Variants in FCRL1 observed in about 807,000 individuals in gnomAD.
FCRL1 encodes the protein Fc receptor-like protein 1.
In FCRL1, 34 loss-of-function variants were observed where a neutral mutation model predicts 49.2. The ratio of observed to expected loss-of-function variants is 0.69; its 90% CI spans 0.53 to 0.92. The LOEUF is 0.92. Ranked by LOEUF, FCRL1 falls within the 40% of genes least tolerant of loss-of-function variation. The pLI, the probability that FCRL1 is intolerant of heterozygous loss-of-function variation, is 0.00. For missense variants in FCRL1, 524 were observed against 524.1 expected, an observed-to-expected ratio of 1.00 and a Z score of 0.00; for synonymous variants, 218 against 201.6, an observed-to-expected ratio of 1.08 and a Z score of -0.69.
chr1:157,796,214 C>T (rs1227284318), intron 10 of FCRL1, 44 bp from the exon 11 acceptor site: 3 of 1,492,550 alleles, frequency 2.0e-6, no homozygotes, highest in Non-Finnish European at 2.8e-6. Context: ...ACAAGCAGAA[C>T]ATGCCTCCAC....
intron 9 of FCRL1, 130 bp from the exon 10 acceptor site, chr1:157,797,262 T>A: frequency 2.0e-6 from 2 of 1,009,252 alleles, no homozygotes; most frequent in Admixed American, 1.9e-5. Flanking sequence ...ATTTTCTGTC[T>A]TGCTTTTCTG....
In FCRL1 at chr1:157,802,074, A is replaced by G. The variant is rs777194472; in HGVS notation, c.727T>C (p.Tyr243His). ...CTCCCCAGGGTGATATCCTCGTGAT[A>G]AAACCAGTACAGGATCGGAGGAGAG... ...RGSPPILYWFYHEDITLGSRS... is the reference protein window; with the variant it reads ...RGSPPILYWFHHEDITLGSRS... The change falls in exon 5 of 11, where the codon TAT becomes CAT. Residue 243 changes from tyrosine to histidine, a missense_variant. Transcript: ENST00000368176. 5 of 1,614,224 alleles carry G rather than the reference A, an allele frequency of 3.1e-6. No individual in the cohort carries two copies. The Admixed American group carries it at 6.7e-5, about 22-fold the overall frequency.
In FCRL1 at chr1:157,802,064, T is replaced by C. The variant is rs902018122; in HGVS notation, c.737A>G (p.Asp246Gly). ...GGCCGACCTGCTCCCCAGGGTGATA[T>C]CCTCGTGATAAAACCAGTACAGGAT... ...PPILYWFYHE[D>G]ITLGSRSAPS... is the part of the protein sequence containing the mutation. Residue 246 changes from aspartate to glycine, a missense_variant, in exon 5 of 11, where the codon GAT becomes GGT. By Grantham distance (94) the Asp-to-Gly change is moderately conservative. Transcript: ENST00000368176. 6.2e-7 allele frequency: 1 copy of C among 1,614,054 alleles called. No individual in the cohort carries two copies. The highest frequency in any genetic ancestry group is 1.3e-5 in the African/African-American group (1 of 74,912).
chr1:157,798,045 G>T (rs1651823199), intron 8 of FCRL1, 106 bp from the exon 9 acceptor site: 2 of 1,504,580 alleles, frequency 1.3e-6, no homozygotes, highest in South Asian at 1.1e-5. Flanking sequence ...TGAGTCATTT[G>T]TTTGTAGCAG....
rs1212443114 is a variant in FCRL1 at position 157,801,909 on chromosome 1, C to A, written c.886+6G>T. 4.3e-6 allele frequency: 7 copies of A among 1,610,112 alleles called. No individual in the cohort carries two copies. The highest frequency in any genetic ancestry group is 5.9e-6 in the Non-Finnish European group (7 of 1,177,992). On this transcript the variant is annotated splice_donor_region_variant and intron_variant, in intron 5 of 10. Coordinates refer to ENST00000368176, the MANE Select transcript of FCRL1 (RefSeq NM_052938.5). ...GACCAAGACAGTTCCATAGCCTGAGCTATACCTGTGAAGTTGAGTGTCACC... is the reference window on the plus strand; with the variant it reads ...GACCAAGACAGTTCCATAGCCTGAGATATACCTGTGAAGTTGAGTGTCACC...
Position 157,820,098 on chromosome 1 carries a change from G to C in FCRL1, c.-61C>G, listed in dbSNP as rs1571436264. The C allele has an allele frequency of 6.3e-7, 1 of 1,586,970 alleles. No individual in the cohort carries two copies. The highest frequency in any genetic ancestry group is 2.2e-5 in the East Asian group (1 of 44,720). Reference sequence around the variant, plus strand: ...CTCATCAAAAAAAGAATGCACCTCAGAGTCGAGCAGCAGCAGCTCATCAGA... The same window carrying C: ...CTCATCAAAAAAAGAATGCACCTCACAGTCGAGCAGCAGCAGCTCATCAGA... On this transcript the variant is annotated 5_prime_UTR_variant, in exon 1 of 11. Transcript: ENST00000368176.
At chr1:157,801,712 G>T in intron 5 of FCRL1, 135 bp from the exon 6 acceptor site, 1 of 862,268 alleles carries the variant, frequency 1.2e-6, no homozygotes, top group Non-Finnish European at 1.8e-6. Context: ...GGGACTTGTG[G>T]CTTATCATCT....
At chr1:157,809,546 T>C (rs7539220) in intron 1 of FCRL1, among the ~76,000 whole-genome samples, 6,934 of 152,264 alleles carry the variant, frequency 0.046, 506 homozygotes, top group African/African-American at 0.16. Context: ...CCTCTCGGGT[T>C]CAAGCGATTC....
At position 157,804,121 on chromosome 1, in the gene FCRL1, G is replaced by A; in HGVS notation, c.53-10C>T. The A allele has an allele frequency of 1.2e-6, 2 of 1,612,558 alleles. No homozygotes were observed. Among genetic ancestry groups the A allele is most frequent in the South Asian group, 2.2e-5 (2 of 90,946 alleles). ...GCTATCAAAAACAGCTCTAGAGAGA[G>A]GAATTAAACACAAATGATTAATGCG... On this transcript the variant is annotated splice_polypyrimidine_tract_variant and intron_variant, in intron 2 of 10. Coordinates refer to ENST00000368176, the MANE Select transcript of FCRL1 (RefSeq NM_052938.5).
At chr1:157,801,158 G>T (rs544057163) in intron 6 of FCRL1, among the ~76,000 whole-genome samples, 1 of 152,244 alleles carries the variant, frequency 6.6e-6, no homozygotes, top group Non-Finnish European at 1.5e-5. Context: ...CAAAAGTGCT[G>T]GGATTACAGG....
intron 1 of FCRL1, among the ~76,000 whole-genome samples, chr1:157,812,147 T>A (rs1359666064): frequency 1.3e-5 from 2 of 152,158 alleles, no homozygotes; most frequent in Non-Finnish European, 2.9e-5. Flanking sequence ...ACACAGCACC[T>A]GCCAATCTGT....
intron 5 of FCRL1, 130 bp downstream of exon 5, chr1:157,801,785 A>G (rs1652514983): frequency 1.8e-6 from 2 of 1,128,046 alleles, no homozygotes; most frequent in Non-Finnish European, 2.5e-6. Context: ...TACATCACTC[A>G]TGACAGCACC....
intron 1 of FCRL1, among the ~76,000 whole-genome samples, chr1:157,809,705 C>T (rs766475654): frequency 4.6e-5 from 7 of 152,114 alleles, no homozygotes; most frequent in Non-Finnish European, 8.8e-5. Context: ...GGTGATCCAC[C>T]CACCTTGGCC....
chr1:157,808,948 G>C lies in FCRL1; in HGVS notation c.32-1826C>G, dbSNP rs118045670. On this transcript the variant is annotated intron_variant, in intron 1 of 10. Coordinates refer to ENST00000368176, the MANE Select transcript of FCRL1 (RefSeq NM_052938.5). ...AATGGTAGTGACATTTCCTGAATTGGAGAAGTTGTGGGGGAAAATAGGTTA... is the reference window on the plus strand; with the variant it reads ...AATGGTAGTGACATTTCCTGAATTGCAGAAGTTGTGGGGGAAAATAGGTTA... Among the ~76,000 whole-genome samples, 372 of 152,308 alleles carry C rather than the reference G, an allele frequency of 2.4e-3. 13 individuals carry two copies. In the East Asian group the frequency reaches 0.064, roughly 26 times the overall value.
At position 157,801,951 on chromosome 1, in the gene FCRL1, C is replaced by T. The variant is rs200955967; in HGVS notation, c.850G>A (p.Ala284Thr). ...YSCEANNGLG[A>T]QRSEAVTLNF... The stretch of plus-strand genomic sequence containing the variant: ...AGTGTCACCGCCTCACTGCGCTGGG[C>T]CCCCAGGCCATTGTTGGCCTCACAG... The change falls in exon 5 of 11, where the codon GCC becomes ACC. Residue 284 changes from alanine (A) to threonine (T), a missense_variant. By Grantham distance (58) the Ala-to-Thr change is moderately conservative. Coordinates refer to ENST00000368176, the MANE Select transcript of FCRL1 (RefSeq NM_052938.5). The T allele has an allele frequency of 4.1e-5, 66 of 1,614,114 alleles. No individual in the cohort carries two copies. Among genetic ancestry groups the T allele is most frequent in the Non-Finnish European group, 4.9e-5 (58 of 1,179,962 alleles).
chr1:157,814,364 C>A (rs1211544132), intron 1 of FCRL1, among the ~76,000 whole-genome samples: 2 of 151,798 alleles, frequency 1.3e-5, no homozygotes, highest in Non-Finnish European at 2.9e-5. Flanking sequence ...AATGTCTAGA[C>A]CAAAGTTAAG....
intron 1 of FCRL1, among the ~76,000 whole-genome samples, chr1:157,810,466 T>C (rs1161957191): frequency 6.6e-6 from 1 of 151,774 alleles, no homozygotes; most frequent in East Asian, 1.9e-4. Context: ...CTGGCTAATT[T>C]TTGTATTTTT....
intron 1 of FCRL1, among the ~76,000 whole-genome samples, chr1:157,814,689 A>T (rs1380388581): frequency 6.6e-6 from 1 of 152,044 alleles, no homozygotes; most frequent in Non-Finnish European, 1.5e-5. Context: ...ATGGATTTTA[A>T]AAAACAGGAC....
intron 6 of FCRL1, among the ~76,000 whole-genome samples, chr1:157,800,936 G>A (rs1652347166): frequency 6.6e-6 from 1 of 151,938 alleles, no homozygotes; most frequent in African/African-American, 2.4e-5. Context: ...TCTGTCACCA[G>A]GCTAGAGTGC....
Sources: gnomAD v4.1 joint callset for allele counts (sites outside exome capture counted in the v4.1 genomes callset) on GRCh38, gnomAD v4.1.1 for gene constraint, MANE v1.5 for transcripts, NCBI Gene and HGNC (gene_info 2026-07-23, HGNC 2026-07-21) for gene names.